Variants in TAB2 observed in about 807,000 individuals in gnomAD.
TAB2 encodes the protein TGF-beta-activated kinase 1 and MAP3K7-binding protein 2.
A neutral mutation model predicts 65.0 loss-of-function variants in TAB2; 3 were observed. The observed-to-expected ratio is 0.05, with a 90% CI of 0.02 to 0.12. The LOEUF (loss-of-function observed/expected upper bound fraction) is 0.12, where lower values mean the gene tolerates loss of function less well. Among genes scored for constraint, TAB2 ranks in the 10% least tolerant of loss-of-function variants. The pLI is 1.00. For missense variants in TAB2, 623 were observed against 840.3 expected, an observed-to-expected ratio of 0.74 and a Z score of 3.20; for synonymous variants, 298 against 285.1, an observed-to-expected ratio of 1.05 and a Z score of -0.46.
At chr6:149,269,230 A>C (rs547223216) in intron 1 of TAB2, among the ~76,000 whole-genome samples, 1 of 152,320 alleles carries the variant, frequency 6.6e-6, no homozygotes, top group East Asian at 1.9e-4. Flanking sequence ...CCTTTGAGTA[A>C]ATTGTAAATA....
intron 1 of TAB2, among the ~76,000 whole-genome samples, chr6:149,287,678 C>G (rs139268263): frequency 6.6e-6 from 1 of 152,282 alleles, no homozygotes; most frequent in Non-Finnish European, 1.5e-5. Context: ...CAATGTGGTA[C>G]TGTGCCTAGT....
chr6:149,389,410 C>G (rs1470229431), intron 3 of TAB2, among the ~76,000 whole-genome samples: 1 of 151,924 alleles, frequency 6.6e-6, no homozygotes, highest in African/African-American at 2.4e-5. Context: ...CTTTGGGAGC[C>G]CGAGGCGGGT....
At chr6:149,389,444 G>A (rs1424581667) in intron 3 of TAB2, among the ~76,000 whole-genome samples, 3 of 151,758 alleles carry the variant, frequency 2.0e-5, no homozygotes, top group African/African-American at 4.8e-5. Flanking sequence ...TTGGGAGTTC[G>A]AGACCAGCCT....
chr6:149,377,619 A>C (rs1781447842), intron 2 of TAB2, among the ~76,000 whole-genome samples: 1 of 152,242 alleles, frequency 6.6e-6, no homozygotes, highest in Non-Finnish European at 1.5e-5. Context: ...CATTGATAGA[A>C]TATTTTTCCA....
In TAB2 at chr6:149,357,354, T is replaced by G. The variant is rs182396581; in HGVS notation, c.-89-12555T>G. On this transcript the variant is annotated intron_variant, in intron 1 of 6. Coordinates refer to ENST00000637181, the MANE Select transcript of TAB2 (RefSeq NM_001292034.3). The stretch of plus-strand genomic sequence containing the variant: ...TCACTTGAACCCAGGAGGCGGAGGT[T>G]GCAGTGAGCCAAGATTGTGCCACTA... Among the ~76,000 whole-genome samples, 602 of 148,820 alleles carry G rather than the reference T, an allele frequency of 4.0e-3. 1 individual carries two copies. Among genetic ancestry groups the G allele is most frequent in the Middle Eastern group, 0.01 (3 of 288 alleles).
At chr6:149,328,762 G>A (rs372328867) in intron 1 of TAB2, among the ~76,000 whole-genome samples, 2 of 152,088 alleles carry the variant, frequency 1.3e-5, no homozygotes, top group African/African-American at 2.4e-5. Context: ...ATGCTGTGAC[G>A]GGGTTAAACA....
At chr6:149,370,660 C>T (rs1226278824) in intron 2 of TAB2, among the ~76,000 whole-genome samples, 2 of 151,864 alleles carry the variant, frequency 1.3e-5, no homozygotes, top group African/African-American at 4.8e-5. Flanking sequence ...TTAGTATCAC[C>T]CTCTAATTTG....
chr6:149,347,792 T>C (rs2114796085), intron 1 of TAB2, among the ~76,000 whole-genome samples: 1 of 152,244 alleles, frequency 6.6e-6, no homozygotes, highest in East Asian at 1.9e-4. Context: ...TAATTAAATC[T>C]GAAGTGCACC....
At chr6:149,291,869 C>T (rs1253670016) in intron 1 of TAB2, among the ~76,000 whole-genome samples, 1 of 151,918 alleles carries the variant, frequency 6.6e-6, no homozygotes, top group Non-Finnish European at 1.5e-5. Flanking sequence ...TCTAAAAAAA[C>T]AAAAAACAAA....
chr6:149,333,959 G>T (rs571313376), intron 1 of TAB2, among the ~76,000 whole-genome samples: 1 of 152,094 alleles, frequency 6.6e-6, no homozygotes, highest in Non-Finnish European at 1.5e-5. Context: ...ACTGAGTCTC[G>T]TATAGAGGTG....
At chr6:149,320,651 A>G (rs1364093825) in intron 1 of TAB2, among the ~76,000 whole-genome samples, 1 of 150,818 alleles carries the variant, frequency 6.6e-6, no homozygotes, top group African/African-American at 2.4e-5. Context: ...TCCTTGAGGA[A>G]TGTGTATTTT....
In TAB2 at chr6:149,392,640, TTCATTCAGCTG is replaced by T. The variant is rs369524397; in HGVS notation, c.1604-4958_1604-4948del. Among the ~76,000 whole-genome samples the T allele has an allele frequency of 6.7e-3, 1,027 of 152,350 alleles. 13 individuals carry two copies. The highest frequency in any genetic ancestry group is 0.022 in the African/African-American group (934 of 41,590). On this transcript the variant is annotated intron_variant, in intron 3 of 6. Transcript: ENST00000637181. ...ATGAGACTTCAGCTTTCTCCACTCC[TTCATTCAGCTG>T]TCATTTCATCTGCTTCTAGCCTTCC...
At chr6:149,391,686 C>T (rs781667401) in intron 3 of TAB2, among the ~76,000 whole-genome samples, 3 of 151,874 alleles carry the variant, frequency 2.0e-5, no homozygotes, top group African/African-American at 7.3e-5. Flanking sequence ...AGACTACAGG[C>T]GCGCGCCACC....
At chr6:149,306,973 A>G (rs1220667314) in intron 1 of TAB2, among the ~76,000 whole-genome samples, 1 of 152,170 alleles carries the variant, frequency 6.6e-6, no homozygotes, top group Admixed American at 6.5e-5. Flanking sequence ...CATAACAGTA[A>G]TTGTCTTTTT....
chr6:149,398,422 G>GT (rs1782248923), intron 5 of TAB2, among the ~76,000 whole-genome samples: 1 of 152,070 alleles, frequency 6.6e-6, no homozygotes, highest in Non-Finnish European at 1.5e-5. Context: ...TAATTCTGAA[G>GT]TTGGATAAAT....
chr6:149,358,006 A>C (rs996307671), intron 1 of TAB2, among the ~76,000 whole-genome samples: 1 of 152,116 alleles, frequency 6.6e-6, no homozygotes, highest in African/African-American at 2.4e-5. Flanking sequence ...CGGCCTTTTC[A>C]TGTATATCTT....
intron 1 of TAB2, among the ~76,000 whole-genome samples, chr6:149,221,773 G>A (rs1777153977): frequency 1.3e-5 from 2 of 152,216 alleles, no homozygotes; most frequent in South Asian, 2.1e-4. Context: ...CTGGAATGAA[G>A]GAGGGGAGAA....
chr6:149,339,178 A>G (rs2341785), intron 1 of TAB2, among the ~76,000 whole-genome samples: 5,602 of 152,260 alleles, frequency 0.037, 165 homozygotes, highest in Non-Finnish European at 0.055. Context: ...ATCCTGGCCA[A>G]CATGGTGAAA....
In TAB2 at chr6:149,399,191, G is replaced by C. The variant is rs750435176; in HGVS notation, c.1939+7G>C. 5.0e-6 allele frequency: 8 copies of C among 1,612,238 alleles called. No homozygotes were observed. Among genetic ancestry groups the C allele is most frequent in the Non-Finnish European group, 6.8e-6 (8 of 1,178,690 alleles). On this transcript the variant is annotated splice_region_variant and intron_variant, in intron 6 of 6. Transcript: ENST00000637181. ...GTGCCACCAAAACCCAAAGGTTAGT[G>C]TATCCATTAAATGTGAAAACTGTTA...
Sources: allele counts gnomAD v4.1 joint callset (sites outside exome capture counted in the v4.1 genomes callset), GRCh38; gene constraint gnomAD v4.1.1; transcripts MANE v1.5; gene names NCBI Gene and HGNC (gene_info 2026-07-23, HGNC 2026-07-21).